Variants in COG5 observed in about 807,000 individuals in gnomAD.
COG5 encodes conserved oligomeric Golgi complex subunit 5.
Under a neutral mutation model 110.4 loss-of-function variants are expected in COG5, and 86 were observed. The observed-to-expected ratio is 0.78, with a 90% CI of 0.65 to 0.93. The LOEUF (loss-of-function observed/expected upper bound fraction) is 0.93. Ranked by LOEUF, COG5 falls within the 40% of genes least tolerant of loss-of-function variation. COG5 has a pLI of 0.00. For missense variants in COG5, 1,077 were observed against 987.0 expected (o/e 1.09, Z -1.22); for synonymous variants, 360 against 334.6 (o/e 1.08, Z -0.83).
chr7:107,391,003 T>C (rs1263731818), intron 7 of COG5, among the ~76,000 whole-genome samples: 1 of 151,978 alleles, frequency 6.6e-6, no homozygotes, highest in Non-Finnish European at 1.5e-5. Flanking sequence ...AACATAGGAA[T>C]GTAAAGGGGT....
intron 8 of COG5, among the ~76,000 whole-genome samples, chr7:107,369,722 T>A (rs1172049635): frequency 2.0e-5 from 3 of 152,146 alleles, no homozygotes; most frequent in Non-Finnish European, 4.4e-5. Context: ...CATGCCAGAT[T>A]TTCCTTGCAG....
At chr7:107,231,967 G>T (rs1200161094) in intron 18 of COG5, among the ~76,000 whole-genome samples, 1 of 152,148 alleles carries the variant, frequency 6.6e-6, no homozygotes, top group Admixed American at 6.5e-5. Flanking sequence ...TAAGCAAAAT[G>T]ATAAGTGCTA....
At chr7:107,413,552 A>G (rs1792470627) in intron 6 of COG5, among the ~76,000 whole-genome samples, 1 of 151,220 alleles carries the variant, frequency 6.6e-6, no homozygotes, top group African/African-American at 2.4e-5. Flanking sequence ...AAAAAAAAAA[A>G]CCAGGAAAAA....
At chr7:107,490,928 T>G (rs778443788) in intron 6 of COG5, among the ~76,000 whole-genome samples, 36 of 152,138 alleles carry the variant, frequency 2.4e-4, no homozygotes, top group Non-Finnish European at 7.4e-5. Flanking sequence ...GAATACGGTG[T>G]TGTTCTCATT....
intron 7 of COG5, 141 bp from the exon 8 acceptor site, chr7:107,372,901 G>A: frequency 1.4e-6 from 1 of 735,326 alleles, no homozygotes; most frequent in Admixed American, 3.0e-5. Context: ...TCAAAGACAA[G>A]AAAAAACACA....
chr7:107,345,359 T>C (rs1811509360), intron 10 of COG5, among the ~76,000 whole-genome samples: 1 of 152,150 alleles, frequency 6.6e-6, no homozygotes. Context: ...ACCAATAGGC[T>C]TGCTTGATGC....
intron 6 of COG5, among the ~76,000 whole-genome samples, chr7:107,504,420 T>G (rs375459919): frequency 2.6e-5 from 4 of 152,344 alleles, no homozygotes; most frequent in African/African-American, 9.6e-5. Flanking sequence ...TGAAAATTTT[T>G]GCATCAATGT....
intron 14 of COG5, among the ~76,000 whole-genome samples, chr7:107,273,673 A>G (rs1804462280): frequency 6.6e-6 from 1 of 152,144 alleles, no homozygotes; most frequent in Non-Finnish European, 1.5e-5. Flanking sequence ...GGTAAGTAAA[A>G]AGTTATTCAA....
intron 7 of COG5, among the ~76,000 whole-genome samples, chr7:107,391,020 A>G (rs1790585288): frequency 1.3e-5 from 2 of 152,132 alleles, no homozygotes; most frequent in South Asian, 4.2e-4. Flanking sequence ...GGGTCTATCT[A>G]AAAAGCTTGT....
intron 11 of COG5, among the ~76,000 whole-genome samples, chr7:107,319,744 A>G (rs1333894857): frequency 6.6e-6 from 1 of 152,122 alleles, no homozygotes; most frequent in African/African-American, 2.4e-5. Context: ...CAACACAACT[A>G]ATCTCTAATT....
intron 5 of COG5, among the ~76,000 whole-genome samples, chr7:107,540,607 A>G (rs1201332152): frequency 1.3e-5 from 2 of 150,018 alleles, no homozygotes; most frequent in Non-Finnish European, 1.5e-5. Context: ...AAAAATTAAA[A>G]TTAAATAAAA....
chr7:107,357,253 A>G (rs913573357), intron 10 of COG5, among the ~76,000 whole-genome samples: 1 of 152,200 alleles, frequency 6.6e-6, no homozygotes, highest in Admixed American at 6.5e-5. Flanking sequence ...CTAAATATTG[A>G]GGACCTTATG....
At chr7:107,209,237 G>A (rs972489795) in intron 21 of COG5, 1 of 985,434 alleles carries the variant, frequency 1.0e-6, no homozygotes. Context: ...CTATTTTAGA[G>A]ACGCAACAGA....
At chr7:107,224,508 A>C (rs1170912638) in intron 19 of COG5, among the ~76,000 whole-genome samples, 1 of 152,200 alleles carries the variant, frequency 6.6e-6, no homozygotes, top group African/African-American at 2.4e-5. Context: ...CCAGCCGAGA[A>C]GACTGTGGAC....
At chr7:107,431,254 G>C (rs1794007946) in intron 6 of COG5, among the ~76,000 whole-genome samples, 1 of 152,098 alleles carries the variant, frequency 6.6e-6, no homozygotes, top group African/African-American at 2.4e-5. Flanking sequence ...TAACAACAGA[G>C]TTTGATATAA....
intron 19 of COG5, among the ~76,000 whole-genome samples, chr7:107,219,680 G>C (rs551885561): frequency 1.1e-4 from 16 of 152,232 alleles, no homozygotes; most frequent in South Asian, 8.3e-4. Context: ...AGAGGCTAAG[G>C]GGGGAGGAAA....
At chr7:107,262,654 C>A (rs6953745) in intron 14 of COG5, among the ~76,000 whole-genome samples, 1,542 of 152,256 alleles carry the variant, frequency 0.01, 21 homozygotes, top group Middle Eastern at 0.027. Flanking sequence ...CCCATTCATG[C>A]TCCTAAGCCC....
At chr7:107,380,741 C>T (rs1422187438) in intron 7 of COG5, among the ~76,000 whole-genome samples, 1 of 152,206 alleles carries the variant, frequency 6.6e-6, no homozygotes, top group Non-Finnish European at 1.5e-5. Context: ...CAAAGAGGAG[C>T]TGGTACCATT....
At chr7:107,502,425 T>C (rs1301193546) in intron 6 of COG5, among the ~76,000 whole-genome samples, 2 of 152,182 alleles carry the variant, frequency 1.3e-5, no homozygotes, top group African/African-American at 2.4e-5. Context: ...CATTGGTCAA[T>C]GGGCATTTAG....
Sources: allele counts gnomAD v4.1 joint callset (sites outside exome capture counted in the v4.1 genomes callset), GRCh38; gene constraint gnomAD v4.1.1; transcripts MANE v1.5; gene names NCBI Gene and HGNC (gene_info 2026-07-23, HGNC 2026-07-21).